The following C11orf65 variants were observed in gnomAD, a reference collection of about 807,000 sequenced individuals.
C11orf65 encodes protein MFI.
Under a neutral mutation model 35.3 loss-of-function variants are expected in C11orf65, and 38 were observed. That is an observed-to-expected ratio of 1.08 (90% confidence interval 0.83 to 1.41). The LOEUF is 1.41. Ranked by LOEUF, C11orf65 falls within the 40% of genes most tolerant of loss-of-function variation. The pLI is 0.00. For synonymous variants in C11orf65, 105 were observed against 114.4 expected, an observed-to-expected ratio of 0.92 and a Z score of 0.53; for missense variants, 370 against 367.1, an observed-to-expected ratio of 1.01 and a Z score of -0.06.
chr11:108,310,664 A>G (rs2084075876), intron 6 of C11orf65, among the ~76,000 whole-genome samples: 1 of 152,176 alleles, frequency 6.6e-6, no homozygotes, highest in Non-Finnish European at 1.5e-5. Context: ...TTATTTCCTA[A>G]CTTCAGTCAG....
chr11:108,427,558 A>T (rs1352229858), intron 3 of C11orf65, among the ~76,000 whole-genome samples: 1 of 150,160 alleles, frequency 6.7e-6, no homozygotes, highest in Non-Finnish European at 1.5e-5. Flanking sequence ...TCTCTACTAA[A>T]AAAAAATACA....
intron 2 of C11orf65, among the ~76,000 whole-genome samples, chr11:108,343,563 T>A (rs539536591): frequency 6.6e-6 from 1 of 152,298 alleles, no homozygotes; most frequent in South Asian, 2.1e-4. Context: ...AACTACATAA[T>A]ATGTCAACCC....
chr11:108,404,639 G>A (rs1339761088), intron 6 of C11orf65, among the ~76,000 whole-genome samples: 2 of 148,514 alleles, frequency 1.3e-5, no homozygotes, highest in Non-Finnish European at 1.5e-5. Flanking sequence ...CCATGTTAGC[G>A]AGGATGGTCT....
chr11:108,343,409 A>T (rs756574247), intron 2 of C11orf65: 2 of 1,610,210 alleles, frequency 1.2e-6, no homozygotes, highest in Non-Finnish European at 1.7e-6. Context: ...TTGTAAGATT[A>T]TTTAATGGCT....
intron 7 of C11orf65, among the ~76,000 whole-genome samples, chr11:108,387,208 G>A (rs2092032076): frequency 1.6e-5 from 2 of 128,504 alleles, no homozygotes; most frequent in South Asian, 2.5e-4. Flanking sequence ...AGGCTGGAGT[G>A]TGATGGCACG....
At chr11:108,361,206 A>G in intron 2 of C11orf65, among the ~76,000 whole-genome samples, 1 of 100,538 alleles carries the variant, frequency 9.9e-6, no homozygotes, top group African/African-American at 3.9e-5. Context: ...AATTGCTTCA[A>G]AGAGAATAAA....
intron 2 of C11orf65, chr11:108,365,915 G>C (rs1193391254): frequency 5.2e-6 from 1 of 191,126 alleles, no homozygotes; most frequent in Non-Finnish European, 1.1e-5. Context: ...TGTAATCCCA[G>C]CTACTCGAGA....
intron 2 of C11orf65, among the ~76,000 whole-genome samples, chr11:108,441,565 AC>A (rs781523919): frequency 2.6e-4 from 39 of 152,142 alleles, no homozygotes; most frequent in Non-Finnish European, 4.9e-4. Flanking sequence ...ACTGGGAGGC[AC>A]CCCCCAGTAG....
rs777164914 is a variant in C11orf65 at position 108,326,147 on chromosome 11, C to T, written c.641-17076G>A. On this transcript the variant is annotated intron_variant, in intron 6 of 6. Coordinates refer to the C11orf65 transcript ENST00000525729. ...GGCAGCTGGAAGAAGCACAAGTATTCTGGGCAAAAAAGGAGCAGAGTCTTG... is the reference window on the plus strand; with the variant it reads ...GGCAGCTGGAAGAAGCACAAGTATTTTGGGCAAAAAAGGAGCAGAGTCTTG... The T allele has an allele frequency of 2.0e-5, 33 of 1,613,946 alleles. No individual in the cohort carries two copies. The highest frequency in any genetic ancestry group is 2.7e-5 in the Non-Finnish European group (32 of 1,180,008).
chr11:108,382,757 G>T lies in C11orf65; in HGVS notation c.*264C>A, dbSNP rs904526793. ...CAAAATAATCAGTCTGAAGCTTCTT[G>T]CACCTAAATGTAGTCTCTTTACTTA... On this transcript the variant is annotated 3_prime_UTR_variant, in exon 9 of 9. Transcript: ENST00000393084. 2 of 982,674 alleles carry T rather than the reference G, an allele frequency of 2.0e-6. No homozygotes were observed. The highest frequency in any genetic ancestry group is 3.5e-5 in the African/African-American group (2 of 57,116). 60.9% of individuals were successfully genotyped at this position (982,674 alleles called of 1,614,324 possible).
At chr11:108,382,141 C>T (rs1348270121), downstream of C11orf65, among the ~76,000 whole-genome samples, 3 of 152,278 alleles carry the variant, frequency 2.0e-5, no homozygotes, top group East Asian at 3.9e-4. Flanking sequence ...CAACCTCCTG[C>T]GAGACTTCAA....
At chr11:108,401,058 G>A (rs950130576) in intron 6 of C11orf65, among the ~76,000 whole-genome samples, 7 of 151,886 alleles carry the variant, frequency 4.6e-5, no homozygotes, top group Non-Finnish European at 4.4e-5. Context: ...GCAGTGAGCC[G>A]AGATTGCGCC....
rs1284148953 is a variant in C11orf65, at chr11:108,461,570, TAA to T, written c.-9-4_-9-3del. On this transcript the variant is annotated splice_region_variant and splice_polypyrimidine_tract_variant and intron_variant, in intron 1 of 8. Transcript: ENST00000393084. Reference sequence around the variant, plus strand: ...CTCTTTCCAAGGCATTTGAAATTCCTAAAAGAAAATGAGCAAAAAGGGTACAT... The same window carrying T: ...CTCTTTCCAAGGCATTTGAAATTCCTAAGAAAATGAGCAAAAAGGGTACAT... The T allele has an allele frequency of 6.4e-7, 1 of 1,553,280 alleles. No homozygotes were observed.
rs2088161192 is a variant in C11orf65, at chr11:108,345,132, G to T, written c.227-9840C>A. 2.6e-5 allele frequency among the ~76,000 whole-genome samples: 4 copies of T among 152,198 alleles called. No homozygotes were observed. The South Asian group carries it at 8.3e-4, about 31-fold the overall frequency. On this transcript the variant is annotated intron_variant, in intron 2 of 3. Transcript: ENST00000524755. Reference sequence around the variant, plus strand: ...TAGAAGAGGTGACTAAAGTTTGCCAGAGATGAAGTATTTGAATTTGGAAGT... The same window carrying T: ...TAGAAGAGGTGACTAAAGTTTGCCATAGATGAAGTATTTGAATTTGGAAGT...
At chr11:108,443,351 C>A (rs547057024) in intron 2 of C11orf65, among the ~76,000 whole-genome samples, 2 of 152,264 alleles carry the variant, frequency 1.3e-5, no homozygotes, top group Admixed American at 6.5e-5. Context: ...TACAAAGAGA[C>A]TTAGACTCCC....
intron 6 of C11orf65, among the ~76,000 whole-genome samples, chr11:108,395,676 A>G (rs1381900524): frequency 1.5e-5 from 2 of 133,280 alleles, no homozygotes; most frequent in African/African-American, 3.0e-5. Context: ...GCTGGAGTGC[A>G]GTGGCGCCAT....
At chr11:108,355,983 A>G (rs1026368750) in intron 2 of C11orf65, 10 of 152,214 alleles carry the variant, frequency 6.6e-5, no homozygotes, top group African/African-American at 1.9e-4. Flanking sequence ...ATAGGTCCCA[A>G]TAATACGTTG....
intron 3 of C11orf65, among the ~76,000 whole-genome samples, chr11:108,427,523 T>C (rs1471062821): frequency 6.6e-6 from 1 of 150,546 alleles, no homozygotes; most frequent in Non-Finnish European, 1.5e-5. Flanking sequence ...ATCGAGACCA[T>C]CCTGGCTAAC....
chr11:108,367,834 A>C (rs1230022595), intron 2 of C11orf65: 2 of 208,408 alleles, frequency 9.6e-6, no homozygotes, highest in Non-Finnish European at 2.0e-5. Context: ...ACCTTGGTGT[A>C]TCTTTTTCTT....
Sources: allele counts gnomAD v4.1 joint callset (sites outside exome capture counted in the v4.1 genomes callset), GRCh38; gene constraint gnomAD v4.1.1; transcripts MANE v1.5; gene names NCBI Gene and HGNC (gene_info 2026-07-23, HGNC 2026-07-21).